POPDC3: variants seen among roughly 807,000 people sequenced by gnomAD.
POPDC3 encodes popeye domain cAMP effector 3, also known as popeye domain-containing protein 3.
Under a neutral mutation model 28.2 loss-of-function variants are expected in POPDC3, and 20 were observed. The observed-to-expected ratio is 0.71, with a 90% CI of 0.50 to 1.03. POPDC3 has a LOEUF of 1.03. POPDC3 is among the 50% of genes least tolerant of loss of function. The pLI, the probability that POPDC3 is intolerant of heterozygous loss-of-function variation, is 0.00. For missense variants in POPDC3, 316 were observed against 345.9 expected, an observed-to-expected ratio of 0.91 and a Z score of 0.69; for synonymous variants, 118 against 124.1, an observed-to-expected ratio of 0.95 and a Z score of 0.33.
chr6:105,170,468 A>G (rs1049183951), intron 1 of POPDC3, among the ~76,000 whole-genome samples: 1 of 152,210 alleles, frequency 6.6e-6, no homozygotes, highest in African/African-American at 2.4e-5. Flanking sequence ...ATCATGTATG[A>G]TAGTTAATTG....
At chr6:105,173,817 G>C (rs984915141) in intron 1 of POPDC3, among the ~76,000 whole-genome samples, 3 of 149,972 alleles carry the variant, frequency 2.0e-5, no homozygotes, top group Non-Finnish European at 4.4e-5. Context: ...CTTTGAAGTA[G>C]AGAATTACAA....
At position 105,158,653 on chromosome 6, in the gene POPDC3, A is replaced by G. The variant is rs770615770; in HGVS notation, c.693T>C (p.Phe231=). ...CAATGTCACTGCCAATTAGCACTGA[A>G]AAAAGGCGGGAGATGTAGCGATGCT... ...FAQHRYISRL[F]SVLIGSDIAD... Residue 231 remains phenylalanine, a synonymous_variant, in exon 4 of 4, where the codon TTT becomes TTC. Coordinates refer to ENST00000254765, the MANE Select transcript of POPDC3 (RefSeq NM_022361.5). 1.9e-6 allele frequency: 3 copies of G among 1,614,184 alleles called. No individual in the cohort carries two copies. Among genetic ancestry groups the G allele is most frequent in the Middle Eastern group, 1.6e-4 (1 of 6,062 alleles).
chr6:105,171,443 A>T (rs1562156348), intron 1 of POPDC3, among the ~76,000 whole-genome samples: 1 of 152,034 alleles, frequency 6.6e-6, no homozygotes, highest in Non-Finnish European at 1.5e-5. Context: ...CCGAGGTGGG[A>T]GGATTGCTTG....
At position 105,161,942 on chromosome 6, in the gene POPDC3, G is replaced by C. The variant is rs762992558; in HGVS notation, c.-33C>G. ...TTACTGCCTGCTTCACTTTTCAGTT[G>C]ACTTTAGATGACACTGAAACAGGTA... is the stretch of plus-strand genomic sequence containing the variant. On this transcript the variant is annotated 5_prime_UTR_variant, in exon 2 of 4. Coordinates refer to ENST00000254765, the MANE Select transcript of POPDC3 (RefSeq NM_022361.5). The C allele has an allele frequency of 6.5e-7, 1 of 1,548,416 alleles. No homozygotes were observed. Among genetic ancestry groups the C allele is most frequent in the Admixed American group, 2.0e-5 (1 of 49,320 alleles).
intron 3 of POPDC3, chr6:105,159,027 C>A (rs1774261130): frequency 7.1e-6 from 2 of 281,246 alleles, no homozygotes; most frequent in Admixed American, 4.9e-5. Context: ...GGGAGAACTA[C>A]TTGATCTTAA....
chr6:105,164,305 C>T (rs1774413394), intron 1 of POPDC3, among the ~76,000 whole-genome samples: 1 of 152,200 alleles, frequency 6.6e-6, no homozygotes, highest in South Asian at 2.1e-4. Context: ...ATCCTGTCTC[C>T]TTAAAAATCT....
Position 105,158,598 on chromosome 6 carries a change from C to T in POPDC3, c.748G>A (p.Val250Ile), listed in dbSNP as rs139964706. ...ADKLYALNDR[V>I]YIGKRYHYDI... ...TAGTGATATCTTTTTCCTATATATACCCTGTCATTCAAGGCATAGAGTTTA... is the reference window on the plus strand; with the variant it reads ...TAGTGATATCTTTTTCCTATATATATCCTGTCATTCAAGGCATAGAGTTTA... The change falls in exon 4 of 4, where the codon GTA becomes ATA. Residue 250 changes from valine (V) to isoleucine (I), a missense_variant. By Grantham distance (29) the Val-to-Ile change is conservative. Coordinates refer to ENST00000254765, the MANE Select transcript of POPDC3 (RefSeq NM_022361.5). 7 of 1,613,934 alleles carry T rather than the reference C, an allele frequency of 4.3e-6. No homozygotes were observed. In the African/African-American group the frequency reaches 6.7e-5, roughly 15 times the overall value.
At chr6:105,159,626 C>A in intron 3 of POPDC3, 85 bp downstream of exon 3, 1 of 742,212 alleles carries the variant, frequency 1.3e-6, no homozygotes, top group Non-Finnish European at 2.3e-6. Flanking sequence ...TTGTCTTATC[C>A]ACTGTTGTTT....
At position 105,158,970 on chromosome 6, in the gene POPDC3, A is replaced by G. The variant is rs990203974; in HGVS notation, c.595-219T>C. ...AATCACAATGTTCTAGCCATCTTCA[A>G]TCTGTCTGTTTTTCTAAGTTCCAGT... On this transcript the variant is annotated intron_variant, in intron 3 of 3. Transcript: ENST00000254765. 6.9e-5 allele frequency: 27 copies of G among 392,228 alleles called. No individual in the cohort carries two copies. In the South Asian group the frequency reaches 2.3e-3, roughly 34 times the overall value. 24.3% of individuals were successfully genotyped at this position (392,228 alleles called of 1,614,324 possible). A position where few individuals can be genotyped will look rare whatever the true frequency, so the allele number is the denominator to read the frequency against.
intron 1 of POPDC3, among the ~76,000 whole-genome samples, chr6:105,168,233 G>A (rs148722906): frequency 6.4e-4 from 97 of 152,238 alleles, no homozygotes; most frequent in African/African-American, 2.0e-3. Context: ...TTTTGCCTGA[G>A]GACAGTTCCC....
chr6:105,159,875 G>T (rs1774282540), intron 2 of POPDC3, 56 bp from the exon 3 acceptor site: 1 of 1,198,314 alleles, frequency 8.3e-7, no homozygotes, highest in Non-Finnish European at 1.2e-6. Context: ...GCACATAATT[G>T]GGGAGGGGTG....
intron 1 of POPDC3, among the ~76,000 whole-genome samples, chr6:105,170,417 T>G (rs1365412284): frequency 6.6e-6 from 1 of 152,210 alleles, no homozygotes; most frequent in East Asian, 1.9e-4. Context: ...TATGTTTAGA[T>G]CAAGTTTTCA....
In POPDC3 at chr6:105,161,534, A is replaced by G; in HGVS notation, c.376T>C (p.Phe126Leu). 1 of 1,614,220 alleles carries G rather than the reference A, an allele frequency of 6.2e-7. No homozygotes were observed. Among genetic ancestry groups the G allele is most frequent in the South Asian group, 1.1e-5 (1 of 91,088 alleles). Residue 126 changes from phenylalanine to leucine, a missense_variant, in exon 2 of 4, where the codon TTC becomes CTC. Phe to Leu is a conservative substitution (Grantham distance 22, BLOSUM62 0). Transcript: ENST00000254765. ...FQPLGISLPV[F>L]RTIALSSEVV... ...TCAGAGCTCAAAGCAATCGTTCTGA[A>G]GACAGGCAAAGAGATCCCCAGGGGC...
chr6:105,159,145 A>T (rs1774264396), intron 3 of POPDC3: 1 of 164,784 alleles, frequency 6.1e-6, no homozygotes, highest in Admixed American at 6.2e-5. Flanking sequence ...GAATTTATAT[A>T]CCTAATTTGC....
intron 1 of POPDC3, among the ~76,000 whole-genome samples, chr6:105,168,089 C>T (rs779248774): frequency 6.6e-6 from 1 of 152,212 alleles, no homozygotes; most frequent in South Asian, 2.1e-4. Flanking sequence ...TTGGTTACAA[C>T]ATTCATATGC....
intron 1 of POPDC3, chr6:105,168,802 A>G (rs1286144338): frequency 6.6e-6 from 1 of 152,272 alleles, no homozygotes; most frequent in Non-Finnish European, 1.5e-5. Flanking sequence ...CTACTGGAAG[A>G]AGGCAAACAT....
chr6:105,173,985 C>A lies in POPDC3; in HGVS notation c.-252+5848G>T, dbSNP rs563422285. On this transcript the variant is annotated intron_variant, in intron 1 of 3. Coordinates refer to ENST00000254765, the MANE Select transcript of POPDC3 (RefSeq NM_022361.5). ...CAAGGATATAGCCTGAATTACTACACTTCAGGAATATAAAGGATACTTTAG... is the reference window on the plus strand; with the variant it reads ...CAAGGATATAGCCTGAATTACTACAATTCAGGAATATAAAGGATACTTTAG... Among the ~76,000 whole-genome samples, 12 of 152,242 alleles carry A rather than the reference C, an allele frequency of 7.9e-5. No individual in the cohort carries two copies. In the South Asian group the frequency reaches 2.5e-3, roughly 32 times the overall value.
chr6:105,173,857 A>G (rs200876822), intron 1 of POPDC3, among the ~76,000 whole-genome samples: 10 of 6,152 alleles, frequency 1.6e-3, no homozygotes, highest in East Asian at 0.045. Context: ...TCATAATGGG[A>G]AAAAAAAAAA....
rs115003921 is a variant in POPDC3, at chr6:105,163,299, T to C, written c.-251-1139A>G. On this transcript the variant is annotated intron_variant, in intron 1 of 3. Coordinates refer to ENST00000254765, the MANE Select transcript of POPDC3 (RefSeq NM_022361.5). ...AGATGGTCAAAAATATTACCAACTC[T>C]GTTCCTCTGCACATACATTCTCTAC... is the stretch of plus-strand genomic sequence containing the variant. Among the ~76,000 whole-genome samples, 693 of 152,324 alleles carry C rather than the reference T, an allele frequency of 4.5e-3. 7 individuals carry two copies. The highest frequency in any genetic ancestry group is 0.016 in the African/African-American group (668 of 41,572).
Sources: gnomAD v4.1 joint callset for allele counts (sites outside exome capture counted in the v4.1 genomes callset) on GRCh38, gnomAD v4.1.1 for gene constraint, MANE v1.5 for transcripts, NCBI Gene and HGNC (gene_info 2026-07-23, HGNC 2026-07-21) for gene names.